Variants in PPP4R3B observed in about 807,000 individuals in gnomAD.
PPP4R3B encodes the protein serine/threonine-protein phosphatase 4 regulatory subunit 3B.
In PPP4R3B, 52 loss-of-function variants were observed where a neutral mutation model predicts 95.4. The observed-to-expected ratio is 0.54, with a 90% CI of 0.44 to 0.69. The LOEUF is 0.69. PPP4R3B is among the 30% of genes least tolerant of loss of function. PPP4R3B has a pLI of 0.00. For missense variants in PPP4R3B, 1,003 were observed against 1,005.9 expected, an observed-to-expected ratio of 1.00 and a Z score of 0.04; for synonymous variants, 407 against 343.9, an observed-to-expected ratio of 1.18 and a Z score of -2.03.
intron 4 of PPP4R3B, among the ~76,000 whole-genome samples, chr2:55,596,856 G>A (rs1379218489): frequency 6.6e-6 from 1 of 151,962 alleles, no homozygotes; most frequent in Non-Finnish European, 1.5e-5. Context: ...CCCAGCTACT[G>A]GGGAGGCTGA....
chr2:55,612,893 C>T (rs1053973248), intron 2 of PPP4R3B, among the ~76,000 whole-genome samples: 4 of 149,724 alleles, frequency 2.7e-5, no homozygotes, highest in Non-Finnish European at 5.9e-5. Flanking sequence ...TTGCAGTGAG[C>T]AGAAATCGCA....
intron 2 of PPP4R3B, 78 bp from the exon 3 acceptor site, chr2:55,604,154 C>A: frequency 1.9e-6 from 2 of 1,060,558 alleles, no homozygotes; most frequent in Non-Finnish European, 2.7e-6. Context: ...ATCAAGAGGA[C>A]TGGAAACAAC....
rs746304212 is a variant in PPP4R3B at position 55,558,980 on chromosome 2, G to A, written c.2261-12C>T. On this transcript the variant is annotated splice_polypyrimidine_tract_variant and intron_variant, in intron 15 of 16. Coordinates refer to ENST00000616407, the MANE Select transcript of PPP4R3B (RefSeq NM_001122964.3). ...TTCACTTTCTTTTGCTAAAGCAAAA[G>A]TAAAATTTTGAACGTATATCAATAA... 11 of 1,596,686 alleles carry A rather than the reference G, an allele frequency of 6.9e-6. No homozygotes were observed. Among genetic ancestry groups the A allele is most frequent in the Non-Finnish European group, 9.4e-6 (11 of 1,172,628 alleles).
Position 55,575,116 on chromosome 2 carries a change from G to A in PPP4R3B, c.1607-1339C>T, listed in dbSNP as rs183847477. Among the ~76,000 whole-genome samples the A allele has an allele frequency of 6.6e-3, 936 of 142,792 alleles. 8 individuals are homozygous for A. The highest frequency in any genetic ancestry group is 0.011 in the Non-Finnish European group (722 of 65,100). 93.7% of individuals were successfully genotyped at this position (142,792 alleles called of 152,430 possible). The stretch of plus-strand genomic sequence containing the variant: ...CAACGCCCGGCTAATTTTTTTTTGT[G>A]TTTTCAGTAGAGATGGGGTTTCACC... On this transcript the variant is annotated intron_variant, in intron 11 of 16. Coordinates refer to ENST00000616407, the MANE Select transcript of PPP4R3B (RefSeq NM_001122964.3).
chr2:55,609,346 G>A (rs1022379281), intron 2 of PPP4R3B, among the ~76,000 whole-genome samples: 9 of 151,970 alleles, frequency 5.9e-5, no homozygotes, highest in South Asian at 2.1e-4. Flanking sequence ...ATCTCCTGCC[G>A]GAAAGTCTCA....
In PPP4R3B at chr2:55,596,913, G is replaced by A. The variant is rs186099660; in HGVS notation, c.921+1503C>T. On this transcript the variant is annotated intron_variant, in intron 4 of 16. Transcript: ENST00000616407. Reference sequence around the variant, plus strand: ...CAGAAGGTGGAGGTTGCAATGAGCCGAAATCACACCATTGCACTCCAGCTT... The same window carrying A: ...CAGAAGGTGGAGGTTGCAATGAGCCAAAATCACACCATTGCACTCCAGCTT... 2.3e-3 allele frequency among the ~76,000 whole-genome samples: 351 copies of A among 152,230 alleles called. 1 individual carries two copies. The highest frequency in any genetic ancestry group is 8.1e-3 in the African/African-American group (335 of 41,528).
intron 15 of PPP4R3B, among the ~76,000 whole-genome samples, chr2:55,561,962 G>A (rs1686685849): frequency 6.6e-6 from 1 of 152,174 alleles, no homozygotes; most frequent in Non-Finnish European, 1.5e-5. Flanking sequence ...ATGAAATTAG[G>A]GAGGGACCGG....
intron 16 of PPP4R3B, among the ~76,000 whole-genome samples, chr2:55,553,625 C>T (rs1224260855): frequency 2.0e-5 from 3 of 152,148 alleles, no homozygotes; most frequent in Non-Finnish European, 4.4e-5. Context: ...CCACACCACC[C>T]AGCTCTTGGC....
chr2:55,617,190 C>T lies in PPP4R3B; in HGVS notation c.96G>A (p.Val32=). 1.2e-6 allele frequency: 2 copies of T among 1,614,012 alleles called. No homozygotes were observed. The highest frequency in any genetic ancestry group is 8.5e-7 in the Non-Finnish European group (1 of 1,179,906). Residue 32 remains valine (V), a synonymous_variant, in exon 1 of 17, where the codon GTG becomes GTA. Coordinates refer to ENST00000616407, the MANE Select transcript of PPP4R3B (RefSeq NM_001122964.3). ...RGTGHVSSTY[V]EELKGMSLLV... ...GCAGCGACATCCCCTTGAGCTCCTC[C>T]ACGTAAGTGGAGGAGACGTGCCCGG...
At chr2:55,571,235 G>A (rs910310993) in intron 12 of PPP4R3B, among the ~76,000 whole-genome samples, 1 of 151,964 alleles carries the variant, frequency 6.6e-6, no homozygotes, top group Admixed American at 6.6e-5. Context: ...ACTTGAAACC[G>A]GGAAGCAGAA....
chr2:55,599,131 C>A, intron 3 of PPP4R3B, 92 bp from the exon 4 acceptor site: 1 of 1,186,580 alleles, frequency 8.4e-7, no homozygotes, highest in South Asian at 1.6e-5. Context: ...CCTGGCTAGT[C>A]ACTACTAATT....
chr2:55,604,863 C>A (rs1436795953), intron 2 of PPP4R3B, among the ~76,000 whole-genome samples: 1 of 152,006 alleles, frequency 6.6e-6, no homozygotes, highest in Non-Finnish European at 1.5e-5. Context: ...CTCCTTGAGA[C>A]AGGGTCTTGC....
chr2:55,580,866 T>A lies in PPP4R3B; in HGVS notation c.1365+701A>T, dbSNP rs367607606. Among the ~76,000 whole-genome samples the A allele has an allele frequency of 2.6e-4, 40 of 152,318 alleles. 1 individual carries two copies. In the East Asian group the frequency reaches 3.9e-3, roughly 15 times the overall value. On this transcript the variant is annotated intron_variant, in intron 8 of 16. Transcript: ENST00000616407. ...GTATTAAGGACTTAATCCTTAAATC[T>A]TTTAAAATGTCTTAGGTAATTAAGA...
intron 16 of PPP4R3B, 38 bp downstream of exon 16, chr2:55,558,737 G>T (rs1686179200): frequency 7.1e-7 from 1 of 1,403,738 alleles, no homozygotes; most frequent in Non-Finnish European, 9.4e-7. Context: ...CTCACAGACG[G>T]GAAAAGCAAA....
rs759465156 is a variant in PPP4R3B, at chr2:55,579,788, C to T, written c.1366-7G>A. The T allele has an allele frequency of 2.4e-5, 38 of 1,572,080 alleles. No homozygotes were observed. Among genetic ancestry groups the T allele is most frequent in the Non-Finnish European group, 3.2e-5 (37 of 1,149,206 alleles). ...ATTCACTTTTTTCGGTTTTCTGAAA[C>T]ATAGAATTTTTTAAACAATACTGTT... On this transcript the variant is annotated splice_region_variant and splice_polypyrimidine_tract_variant and intron_variant, in intron 8 of 16. Transcript: ENST00000616407.
intron 3 of PPP4R3B, among the ~76,000 whole-genome samples, chr2:55,603,656 T>C (rs919546682): frequency 3.9e-5 from 6 of 152,236 alleles, no homozygotes; most frequent in Non-Finnish European, 2.9e-5. Context: ...CAAATATTTA[T>C]GTTTTTAATC....
chr2:55,588,343 G>A (rs1690450320), intron 5 of PPP4R3B, among the ~76,000 whole-genome samples: 2 of 151,904 alleles, frequency 1.3e-5, no homozygotes, highest in South Asian at 2.1e-4. Flanking sequence ...GAGAAATCCT[G>A]TCTCTACTAA....
chr2:55,593,486 T>C (rs1364607975), intron 4 of PPP4R3B, among the ~76,000 whole-genome samples: 1 of 152,188 alleles, frequency 6.6e-6, no homozygotes, highest in Non-Finnish European at 1.5e-5. Flanking sequence ...AGCAAGTTAA[T>C]GCGCATTTAA....
chr2:55,599,895 C>G (rs1019921923), intron 3 of PPP4R3B, among the ~76,000 whole-genome samples: 4 of 152,226 alleles, frequency 2.6e-5, no homozygotes, highest in Non-Finnish European at 5.9e-5. Flanking sequence ...AACTTACCTT[C>G]ACACATTTCC....
Sources: allele counts gnomAD v4.1 joint callset (sites outside exome capture counted in the v4.1 genomes callset), GRCh38; gene constraint gnomAD v4.1.1; transcripts MANE v1.5; gene names NCBI Gene and HGNC (gene_info 2026-07-23, HGNC 2026-07-21).